Variants in SHISA9 observed in about 807,000 individuals in gnomAD.
SHISA9 encodes the protein protein shisa-9.
SHISA9 carries 13 observed loss-of-function variants against 38.0 expected under a neutral mutation model. The observed-to-expected ratio is 0.34, with a 90% CI of 0.22 to 0.54. The LOEUF (loss-of-function observed/expected upper bound fraction) is 0.54. Ranked by LOEUF, SHISA9 falls within the 20% of genes least tolerant of loss-of-function variation. The pLI, the probability that SHISA9 is intolerant of heterozygous loss-of-function variation, is 0.91. For synonymous variants in SHISA9, 275 were observed against 242.0 expected, an observed-to-expected ratio of 1.14 and a Z score of -1.27; for missense variants, 538 against 575.8, an observed-to-expected ratio of 0.93 and a Z score of 0.67.
At chr16:12,921,565 C>A (rs950619403) in intron 2 of SHISA9, among the ~76,000 whole-genome samples, 4 of 152,082 alleles carry the variant, frequency 2.6e-5, no homozygotes, top group African/African-American at 9.7e-5. Context: ...AGTTCGAGAC[C>A]AGCCTGGGCA....
chr16:13,244,320 G>T (rs1274121181), downstream of SHISA9, among the ~76,000 whole-genome samples: 1 of 152,034 alleles, frequency 6.6e-6, no homozygotes, highest in African/African-American at 2.4e-5. Flanking sequence ...TGAACTGCAG[G>T]GGTCCACTTA....
At chr16:13,267,374 T>G in the SHISA9 span, among the ~76,000 whole-genome samples, 2 of 152,174 alleles carry the variant, frequency 1.3e-5, no homozygotes, top group African/African-American at 4.8e-5. Context: ...TGTATAACAT[T>G]TCCAAAAAAT....
At chr16:13,557,740 A>C in the SHISA9 span, among the ~76,000 whole-genome samples, 1 of 152,156 alleles carries the variant, frequency 6.6e-6, no homozygotes, top group Non-Finnish European at 1.5e-5. Context: ...AACTCCCAGC[A>C]ATCTCTACCC....
chr16:13,365,673 G>T, the SHISA9 span, among the ~76,000 whole-genome samples: 1 of 152,000 alleles, frequency 6.6e-6, no homozygotes, highest in Non-Finnish European at 1.5e-5. Context: ...TGGCCAGGCT[G>T]GTCTCGAACT....
At chr16:12,998,162 C>T (rs1406015855) in intron 2 of SHISA9, among the ~76,000 whole-genome samples, 1 of 152,174 alleles carries the variant, frequency 6.6e-6, no homozygotes, top group African/African-American at 2.4e-5. Context: ...CGCCTAGTTT[C>T]TGGACTATTC....
At chr16:13,412,982 G>T in the SHISA9 span, among the ~76,000 whole-genome samples, 104 of 151,640 alleles carry the variant, frequency 6.9e-4, no homozygotes, top group Middle Eastern at 3.4e-3. Context: ...AATAAATAAA[G>T]GAATGAATGA....
At chr16:13,386,058 C>G in the SHISA9 span, among the ~76,000 whole-genome samples, 5 of 152,266 alleles carry the variant, frequency 3.3e-5, no homozygotes, top group East Asian at 7.7e-4. Flanking sequence ...CCCTTCTGTA[C>G]TGTGACGGTG....
the SHISA9 span, among the ~76,000 whole-genome samples, chr16:13,313,979 A>G: frequency 6.6e-6 from 1 of 152,168 alleles, no homozygotes; most frequent in African/African-American, 2.4e-5. Flanking sequence ...AGGTATCAAA[A>G]AGGAAGGTTT....
the SHISA9 span, among the ~76,000 whole-genome samples, chr16:13,542,244 G>A: frequency 6.6e-6 from 1 of 152,108 alleles, no homozygotes; most frequent in Non-Finnish European, 1.5e-5. Context: ...ATGAGATAAT[G>A]TATATCTATT....
chr16:13,553,194 G>C, the SHISA9 span, among the ~76,000 whole-genome samples: 3 of 152,154 alleles, frequency 2.0e-5, no homozygotes, highest in Non-Finnish European at 4.4e-5. Context: ...TAGTTCACTT[G>C]CTCTTCCCAA....
the SHISA9 span, among the ~76,000 whole-genome samples, chr16:13,292,414 G>A: frequency 6.6e-4 from 101 of 152,140 alleles, no homozygotes; most frequent in East Asian, 2.7e-3. Flanking sequence ...ATAACCTTGC[G>A]TTTATGTTTT....
chr16:13,424,479 C>G, the SHISA9 span, among the ~76,000 whole-genome samples: 1 of 152,142 alleles, frequency 6.6e-6, no homozygotes, highest in Non-Finnish European at 1.5e-5. Context: ...TGCCTGACTG[C>G]AGTAAGATTG....
intron 2 of SHISA9, among the ~76,000 whole-genome samples, chr16:13,032,183 C>T (rs2072999559): frequency 6.6e-6 from 1 of 152,080 alleles, no homozygotes; most frequent in Admixed American, 6.6e-5. Flanking sequence ...TTGCCCCCAC[C>T]CCCAAGAGAG....
rs138004591 is a variant in SHISA9 at position 13,192,082 on chromosome 16, A to G, written c.692-11312A>G. ...AATCATGTCCTTTGCAGCAACATGG[A>G]TGGAGCTGGAGGCCATTTTTCTAAG... On this transcript the variant is annotated intron_variant, in intron 2 of 4. Transcript: ENST00000558583. Among the ~76,000 whole-genome samples, 257 of 152,326 alleles carry G rather than the reference A, an allele frequency of 1.7e-3. 6 individuals are homozygous for G. In the East Asian group the frequency reaches 0.036, roughly 21 times the overall value.
At chr16:13,489,374 A>G in the SHISA9 span, among the ~76,000 whole-genome samples, 3 of 152,258 alleles carry the variant, frequency 2.0e-5, no homozygotes, top group Middle Eastern at 6.8e-3. Context: ...TTAGACTTGT[A>G]TCTCTGTTGT....
chr16:13,248,446 T>C, the SHISA9 span, among the ~76,000 whole-genome samples: 1 of 152,170 alleles, frequency 6.6e-6, no homozygotes, highest in Non-Finnish European at 1.5e-5. Flanking sequence ...AGAGAGGCAC[T>C]GCATGCAGAG....
At chr16:13,219,926 C>G (rs1409956018) in intron 4 of SHISA9, among the ~76,000 whole-genome samples, 2 of 151,990 alleles carry the variant, frequency 1.3e-5, no homozygotes, top group African/African-American at 2.4e-5. Flanking sequence ...CCACTGCACT[C>G]CAGCCTGGGT....
the SHISA9 span, among the ~76,000 whole-genome samples, chr16:13,527,333 G>A: frequency 2.6e-5 from 4 of 152,142 alleles, no homozygotes; most frequent in Non-Finnish European, 4.4e-5. Flanking sequence ...AGTGGGAGCC[G>A]CCATTTTAGT....
the SHISA9 span, among the ~76,000 whole-genome samples, chr16:13,551,091 T>C: frequency 6.7e-6 from 1 of 149,980 alleles, no homozygotes; most frequent in African/African-American, 2.5e-5. Context: ...GCCACTGCAC[T>C]CCAGCCTGGG....
Sources: allele counts gnomAD v4.1 joint callset (sites outside exome capture counted in the v4.1 genomes callset), GRCh38; gene constraint gnomAD v4.1.1; transcripts MANE v1.5; gene names NCBI Gene and HGNC (gene_info 2026-07-23, HGNC 2026-07-21).